RBFOX1: variants seen among roughly 807,000 people sequenced by gnomAD.
RBFOX1 encodes RNA binding protein fox-1 homolog 1.
A neutral mutation model predicts 57.7 loss-of-function variants in RBFOX1; 8 were observed. The observed-to-expected ratio is 0.14, with a 90% CI of 0.08 to 0.25. RBFOX1 has a LOEUF of 0.25. Among genes scored for constraint, RBFOX1 ranks in the 10% least tolerant of loss-of-function variants. RBFOX1 has a pLI of 1.00. For synonymous variants in RBFOX1, 326 were observed against 222.4 expected (o/e 1.47, Z -4.15); for missense variants, 611 against 548.5 (o/e 1.11, Z -1.14).
intron 4 of RBFOX1, among the ~76,000 whole-genome samples, chr16:7,153,067 T>C (rs2152301282): frequency 6.6e-6 from 1 of 152,314 alleles, no homozygotes; most frequent in Admixed American, 6.5e-5. Flanking sequence ...AACCATGGCA[T>C]GGTCTAATAT....
At chr16:7,609,881 G>A (rs140363788) in intron 10 of RBFOX1, among the ~76,000 whole-genome samples, 2 of 151,896 alleles carry the variant, frequency 1.3e-5, no homozygotes, top group South Asian at 2.1e-4. Context: ...GCAGTGGCGC[G>A]GTCTCAGTTC....
At chr16:6,743,708 A>G (rs960944382) in intron 3 of RBFOX1, among the ~76,000 whole-genome samples, 7 of 151,864 alleles carry the variant, frequency 4.6e-5, no homozygotes, top group African/African-American at 1.7e-4. Flanking sequence ...ACACCACTGT[A>G]TTCCAGCCTG....
At chr16:6,608,923 T>C (rs115107369) in intron 2 of RBFOX1, among the ~76,000 whole-genome samples, 1,960 of 152,290 alleles carry the variant, frequency 0.013, 58 homozygotes, top group African/African-American at 0.044. Context: ...TCCCAACTTT[T>C]AGAATCCACT....
intron 2 of RBFOX1, among the ~76,000 whole-genome samples, chr16:5,510,781 C>T (rs894640750): frequency 1.2e-4 from 18 of 152,074 alleles, no homozygotes; most frequent in African/African-American, 1.7e-4. Context: ...TTCAGTGTGG[C>T]GGGGCTGTTC....
intron 4 of RBFOX1, among the ~76,000 whole-genome samples, chr16:5,985,159 T>C (rs1257591992): frequency 6.6e-6 from 1 of 150,816 alleles, no homozygotes; most frequent in African/African-American, 2.4e-5. Context: ...CTCATATATA[T>C]ATATTTTTAT....
chr16:5,490,205 T>C (rs2042780213), intron 2 of RBFOX1, among the ~76,000 whole-genome samples: 1 of 152,226 alleles, frequency 6.6e-6, no homozygotes, highest in Non-Finnish European at 1.5e-5. Context: ...TATGTTGGGC[T>C]CATCTCGTTC....
chr16:7,069,596 C>G lies in RBFOX1; in HGVS notation c.27+17498C>G, dbSNP rs150595621. On this transcript the variant is annotated intron_variant, in intron 4 of 15. Coordinates refer to ENST00000550418, the MANE Select transcript of RBFOX1 (RefSeq NM_018723.4). Reference sequence around the variant, plus strand: ...CTATGGGACACATTCCTTTCACGGCCTGGGTAAGCAAGAAGCATCATGGAA... The same window carrying G: ...CTATGGGACACATTCCTTTCACGGCGTGGGTAAGCAAGAAGCATCATGGAA... Among the ~76,000 whole-genome samples, 104 of 152,240 alleles carry G rather than the reference C, an allele frequency of 6.8e-4. 2 individuals are homozygous for G. The East Asian group carries it at 0.017, about 25-fold the overall frequency.
intron 4 of RBFOX1, among the ~76,000 whole-genome samples, chr16:7,357,145 G>C (rs1052772930): frequency 1.3e-5 from 2 of 151,946 alleles, no homozygotes; most frequent in Non-Finnish European, 2.9e-5. Context: ...GAGGTGCTGG[G>C]GCTAGCATGT....
intron 4 of RBFOX1, among the ~76,000 whole-genome samples, chr16:7,313,666 A>T (rs1266004246): frequency 6.6e-6 from 1 of 151,458 alleles, no homozygotes; most frequent in Non-Finnish European, 1.5e-5. Context: ...TGTGACAAGC[A>T]CACGAATAAG....
chr16:7,494,761 C>G (rs1300364956), intron 4 of RBFOX1, among the ~76,000 whole-genome samples: 1 of 150,856 alleles, frequency 6.6e-6, no homozygotes, highest in Non-Finnish European at 1.5e-5. Flanking sequence ...GGCTTTCATT[C>G]CGAAACTCAG....
At chr16:7,694,795 A>G (rs2078272305) in intron 14 of RBFOX1, among the ~76,000 whole-genome samples, 1 of 152,126 alleles carries the variant, frequency 6.6e-6, no homozygotes. Flanking sequence ...ACAAAAGGGG[A>G]GACCGCTTGG....
intron 1 of RBFOX1, among the ~76,000 whole-genome samples, chr16:6,103,027 C>T (rs1459417319): frequency 6.6e-6 from 1 of 152,140 alleles, no homozygotes; most frequent in Admixed American, 6.5e-5. Flanking sequence ...ACAGTGTCTT[C>T]CCCTCTTTTG....
intron 2 of RBFOX1, among the ~76,000 whole-genome samples, chr16:6,615,982 C>T (rs1344588711): frequency 2.0e-5 from 3 of 152,162 alleles, no homozygotes; most frequent in Non-Finnish European, 4.4e-5. Context: ...GCTTGACTTG[C>T]TGAACTCTGA....
At chr16:6,788,719 C>T (rs2082394607) in intron 3 of RBFOX1, among the ~76,000 whole-genome samples, 1 of 150,062 alleles carries the variant, frequency 6.7e-6, no homozygotes, top group African/African-American at 2.5e-5. Context: ...TCGTGATCCG[C>T]CCGCCTCGGC....
intron 1 of RBFOX1, among the ~76,000 whole-genome samples, chr16:6,026,339 A>G (rs2095193714): frequency 6.6e-6 from 1 of 152,222 alleles, no homozygotes; most frequent in Non-Finnish European, 1.5e-5. Context: ...TGCTTCTCAC[A>G]CACTTTGAGG....
chr16:5,339,780 A>G lies in RBFOX1; in HGVS notation c.219+99675A>G, dbSNP rs1405129070. On this transcript the variant is annotated intron_variant, in intron 1 of 2. Transcript: ENST00000585867. ...AGCAAGTGGGTCAGGGGTGAACACA[A>G]GCCTTCCAGCATGGCAGACTGAAGT... Among the ~76,000 whole-genome samples the G allele has an allele frequency of 2.6e-5, 4 of 152,046 alleles. No individual in the cohort carries two copies. The East Asian group carries it at 5.8e-4, about 22-fold the overall frequency.
chr16:5,780,405 C>G (rs1384162968), intron 3 of RBFOX1, among the ~76,000 whole-genome samples: 1 of 152,132 alleles, frequency 6.6e-6, no homozygotes, highest in East Asian at 1.9e-4. Context: ...ATTGGTTCAT[C>G]CATGTATCCA....
At chr16:7,316,085 C>CA (rs1226551610) in intron 4 of RBFOX1, among the ~76,000 whole-genome samples, 1 of 152,066 alleles carries the variant, frequency 6.6e-6, no homozygotes, top group Non-Finnish European at 1.5e-5. Flanking sequence ...TATCAGTTTC[C>CA]AAAAAAATAA....
At chr16:5,474,378 G>A (rs1352598385) in intron 2 of RBFOX1, among the ~76,000 whole-genome samples, 1 of 152,220 alleles carries the variant, frequency 6.6e-6, no homozygotes, top group Admixed American at 6.5e-5. Context: ...GGACGGCTAG[G>A]CGCGATGGCT....
Sources: allele counts gnomAD v4.1 joint callset (sites outside exome capture counted in the v4.1 genomes callset), GRCh38; gene constraint gnomAD v4.1.1; transcripts MANE v1.5; gene names NCBI Gene and HGNC (gene_info 2026-07-23, HGNC 2026-07-21).